Variants in STARD13 observed in about 807,000 individuals in gnomAD.
STARD13 encodes stAR-related lipid transfer protein 13.
In STARD13, 62 loss-of-function variants were observed where a neutral mutation model predicts 106.4. The observed-to-expected ratio is 0.58, with a 90% CI of 0.48 to 0.72. STARD13 has a LOEUF of 0.72. Ranked by LOEUF, STARD13 falls within the 30% of genes least tolerant of loss-of-function variation. The pLI, the probability that STARD13 is intolerant of heterozygous loss-of-function variation, is 0.00. For synonymous variants in STARD13, 565 were observed against 553.0 expected (o/e 1.02, Z -0.31); for missense variants, 1,387 against 1,424.0 (o/e 0.97, Z 0.42).
intron 1 of STARD13, among the ~76,000 whole-genome samples, chr13:33,259,890 A>G (rs1173410140): frequency 2.0e-5 from 3 of 151,572 alleles, no homozygotes; most frequent in African/African-American, 7.3e-5. Context: ...CCTGCTACTC[A>G]GGAAGCTAAG....
chr13:33,369,676 A>G, the STARD13 span, among the ~76,000 whole-genome samples: 1 of 152,146 alleles, frequency 6.6e-6, no homozygotes, highest in Non-Finnish European at 1.5e-5. Context: ...AAATGTGTAT[A>G]TATGTTCATA....
At chr13:33,541,535 G>A in the STARD13 span, among the ~76,000 whole-genome samples, 6 of 152,054 alleles carry the variant, frequency 3.9e-5, no homozygotes, top group Non-Finnish European at 8.8e-5. Context: ...ACTATCAAAC[G>A]GTTTTAGCAA....
intron 8 of STARD13, among the ~76,000 whole-genome samples, chr13:33,114,548 C>T (rs750502029): frequency 1.3e-5 from 2 of 152,146 alleles, no homozygotes; most frequent in East Asian, 1.9e-4. Context: ...TTCTTACTCT[C>T]GCTTAGGGTG....
At chr13:33,672,778 G>A in the STARD13 span, among the ~76,000 whole-genome samples, 3 of 152,120 alleles carry the variant, frequency 2.0e-5, no homozygotes, top group East Asian at 1.9e-4. Context: ...AATTTATCAC[G>A]TTGACCAATT....
chr13:33,598,268 G>A, the STARD13 span, among the ~76,000 whole-genome samples: 14 of 152,160 alleles, frequency 9.2e-5, no homozygotes, highest in Admixed American at 6.5e-4. Flanking sequence ...AGTCTGGTTC[G>A]ATGGTTGTGA....
chr13:33,499,911 C>CCTG, the STARD13 span, among the ~76,000 whole-genome samples: 1 of 151,446 alleles, frequency 6.6e-6, no homozygotes, highest in African/African-American at 2.4e-5. Context: ...ACTATAGGCA[C>CCTG]CTGCTGCTGT....
chr13:33,238,847 T>TA (rs932133463), intron 1 of STARD13, among the ~76,000 whole-genome samples: 8 of 152,056 alleles, frequency 5.3e-5, no homozygotes, highest in African/African-American at 1.7e-4. Flanking sequence ...TTTATTGTGG[T>TA]AAAAAAACAC....
At chr13:33,451,827 CA>C in the STARD13 span, among the ~76,000 whole-genome samples, 1 of 151,476 alleles carries the variant, frequency 6.6e-6, no homozygotes, top group Non-Finnish European at 1.5e-5. Context: ...TGGTATATAA[CA>C]AAAAAGGGAA....
At chr13:33,205,652 A>C (rs1887364748) in intron 1 of STARD13, among the ~76,000 whole-genome samples, 1 of 152,234 alleles carries the variant, frequency 6.6e-6, no homozygotes, top group African/African-American at 2.4e-5. Flanking sequence ...AATGACAGTC[A>C]CTGCTTTTTA....
chr13:33,446,271 A>G, the STARD13 span, among the ~76,000 whole-genome samples: 1 of 152,174 alleles, frequency 6.6e-6, no homozygotes, highest in African/African-American at 2.4e-5. Context: ...TATTTCTGCA[A>G]AAATTCTATA....
chr13:33,364,923 T>C, the STARD13 span, among the ~76,000 whole-genome samples: 2 of 151,842 alleles, frequency 1.3e-5, no homozygotes, highest in African/African-American at 4.8e-5. Flanking sequence ...CTATAGGGTA[T>C]GCATGAGAAA....
At chr13:33,474,115 G>T in the STARD13 span, among the ~76,000 whole-genome samples, 1 of 152,154 alleles carries the variant, frequency 6.6e-6, no homozygotes, top group Non-Finnish European at 1.5e-5. Context: ...ATCTGGAGAA[G>T]TTTGGCCTTT....
intron 1 of STARD13, among the ~76,000 whole-genome samples, chr13:33,208,680 G>A (rs1402292561): frequency 6.6e-6 from 1 of 152,142 alleles, no homozygotes; most frequent in Non-Finnish European, 1.5e-5. Context: ...GGAGGCTATG[G>A]CAATTATTTC....
At chr13:33,501,240 C>T in the STARD13 span, among the ~76,000 whole-genome samples, 7 of 152,018 alleles carry the variant, frequency 4.6e-5, no homozygotes, top group Middle Eastern at 3.4e-3. Flanking sequence ...CCACACCAGA[C>T]TAGCTTTTGT....
At chr13:33,191,837 C>G (rs1394118176) in intron 1 of STARD13, among the ~76,000 whole-genome samples, 1 of 152,152 alleles carries the variant, frequency 6.6e-6, no homozygotes. Flanking sequence ...TAATCCAATT[C>G]TAATAAAAAT....
chr13:33,369,794 A>C, the STARD13 span, among the ~76,000 whole-genome samples: 4 of 152,220 alleles, frequency 2.6e-5, no homozygotes, highest in African/African-American at 7.2e-5. Flanking sequence ...TTAATGGAAT[A>C]GAAAATCACC....
the STARD13 span, among the ~76,000 whole-genome samples, chr13:33,480,877 CAT>C: frequency 6.6e-6 from 1 of 152,036 alleles, no homozygotes; most frequent in Non-Finnish European, 1.5e-5. Context: ...AAGGTCTTAT[CAT>C]ATGTAAAATC....
chr13:33,289,637 G>T (rs2138428422), upstream of STARD13, among the ~76,000 whole-genome samples: 1 of 152,300 alleles, frequency 6.6e-6, no homozygotes. Context: ...CATTTTGGAA[G>T]AAGAGCCTGA....
Position 33,106,808 on chromosome 13 carries a change from C to T in STARD13, c.3174G>A (p.Pro1058=), listed in dbSNP as rs117237914. ...VVMDSQYLIE[P]CGSGKSRLTH... ...TCAGTCTTGACTTGCCAGAGCCACA[C>T]GGTTCTATCAAGTACTGCGAGTCCA... The change falls in exon 13 of 14, where the codon CCG becomes CCA. Residue 1058 remains proline, a synonymous_variant. Coordinates refer to ENST00000336934, the MANE Select transcript of STARD13 (RefSeq NM_178006.4). The T allele has an allele frequency of 4.3e-3, 6,976 of 1,614,036 alleles. 24 individuals are homozygous for T. The highest frequency in any genetic ancestry group is 7.4e-3 in the Middle Eastern group (45 of 6,062).
Sources: allele counts gnomAD v4.1 joint callset (sites outside exome capture counted in the v4.1 genomes callset), GRCh38; gene constraint gnomAD v4.1.1; transcripts MANE v1.5; gene names NCBI Gene and HGNC (gene_info 2026-07-23, HGNC 2026-07-21).